The following GLT1D1 variants were observed in gnomAD, a reference collection of about 807,000 sequenced individuals.
GLT1D1 encodes the protein glycosyltransferase 1 domain-containing protein 1.
A neutral mutation model predicts 28.7 loss-of-function variants in GLT1D1; 21 were observed. The ratio of observed to expected loss-of-function variants is 0.73; its 90% CI spans 0.52 to 1.05. The LOEUF is 1.05. GLT1D1 is among the 50% of genes least tolerant of loss of function. The probability of loss-of-function intolerance (pLI) is 0.00; values close to 1 mark genes in which losing one functional copy is unlikely to be tolerated. For synonymous variants in GLT1D1, 147 were observed against 124.8 expected (o/e 1.18, Z -1.19); for missense variants, 343 against 330.6 (o/e 1.04, Z -0.29).
At chr12:128,875,835 A>C in intron 1 of GLT1D1, 79 bp from the exon 2 acceptor site, 5 of 1,262,202 alleles carry the variant, frequency 4.0e-6, no homozygotes, top group Non-Finnish European at 5.5e-6. Flanking sequence ...AAAAAAAAAA[A>C]GTCTTAACTG....
intron 1 of GLT1D1, among the ~76,000 whole-genome samples, chr12:128,857,415 T>G (rs946330144): frequency 1.3e-5 from 2 of 152,210 alleles, no homozygotes; most frequent in African/African-American, 4.8e-5. Flanking sequence ...GGCTTTGATG[T>G]TTATTCAGAC....
intron 4 of GLT1D1, among the ~76,000 whole-genome samples, chr12:128,910,499 A>C (rs1459730734): frequency 6.6e-6 from 1 of 152,098 alleles, no homozygotes; most frequent in Admixed American, 6.6e-5. Flanking sequence ...GTGCTTTACC[A>C]TCCATCTTCA....
At chr12:128,873,245 T>A (rs966751468) in intron 1 of GLT1D1, among the ~76,000 whole-genome samples, 5 of 152,162 alleles carry the variant, frequency 3.3e-5, no homozygotes, top group Admixed American at 2.6e-4. Context: ...TAATGTATCC[T>A]TCTAGAGATA....
At chr12:128,880,683 T>C (rs980809693) in intron 2 of GLT1D1, among the ~76,000 whole-genome samples, 2 of 152,196 alleles carry the variant, frequency 1.3e-5, no homozygotes, top group Non-Finnish European at 2.9e-5. Flanking sequence ...ACACATTTCT[T>C]AGACAGCCTT....
chr12:128,889,052 G>A (rs1868722928), intron 3 of GLT1D1, among the ~76,000 whole-genome samples: 1 of 152,142 alleles, frequency 6.6e-6, no homozygotes, highest in South Asian at 2.1e-4. Context: ...GCTGAGGCAG[G>A]AGGATTGCTG....
At chr12:128,858,508 C>T (rs954953768) in intron 1 of GLT1D1, among the ~76,000 whole-genome samples, 3 of 152,094 alleles carry the variant, frequency 2.0e-5, no homozygotes, top group Non-Finnish European at 4.4e-5. Flanking sequence ...CCCGTCTCTA[C>T]TAAAAATACC....
At chr12:128,926,192 TCAATAATAATAA>T (rs1288518988) in intron 4 of GLT1D1, among the ~76,000 whole-genome samples, 155 bp from the exon 7 acceptor site, 2 of 90,042 alleles carry the variant, frequency 2.2e-5, no homozygotes, top group Non-Finnish European at 4.4e-5. Context: ...AGACTCTGTC[TCAATAATAATAA>T]TAATAATAAT....
intron 4 of GLT1D1, chr12:128,906,904 T>C (rs888437684): frequency 1.1e-5 from 8 of 702,362 alleles, no homozygotes; most frequent in Admixed American, 4.0e-5. Context: ...AATTAAAATA[T>C]AGAAAGCAAG....
intron 4 of GLT1D1, among the ~76,000 whole-genome samples, chr12:128,941,421 C>T (rs1217203676): frequency 6.6e-6 from 1 of 152,146 alleles, no homozygotes; most frequent in African/African-American, 2.4e-5. Context: ...GTCAAATTGT[C>T]CCATTTCTGG....
At chr12:128,894,138 C>T (rs991130813) in intron 3 of GLT1D1, among the ~76,000 whole-genome samples, 6 of 152,268 alleles carry the variant, frequency 3.9e-5, no homozygotes, top group African/African-American at 4.8e-5. Flanking sequence ...AGCCTCCTTC[C>T]GCGTCAGCAC....
chr12:128,888,645 GA>G lies in GLT1D1; in HGVS notation c.226del (p.Ile76SerfsTer12). 6.2e-7 allele frequency: 1 copy of G among 1,609,604 alleles called. No individual in the cohort carries two copies. The highest frequency in any genetic ancestry group is 1.1e-5 in the South Asian group (1 of 90,480). On this transcript the variant is annotated frameshift_variant, in exon 3 of 8. Coordinates refer to ENST00000281703, the MANE Select transcript of GLT1D1 (RefSeq NM_144669.3). LOFTEE classifies it high-confidence loss of function. Reference sequence around the variant, plus strand: ...GACTGTCATCGTTTTGCAGGCCACCGAATCCCTTTTGGAGTCATCTTTGGTG... The same window carrying G: ...GACTGTCATCGTTTTGCAGGCCACCGATCCCTTTTGGAGTCATCTTTGGTG...
chr12:128,879,408 TTCTTTCTTTC>T (rs1363115358), intron 2 of GLT1D1, among the ~76,000 whole-genome samples: 2 of 96,142 alleles, frequency 2.1e-5, no homozygotes, highest in African/African-American at 4.5e-5. Flanking sequence ...CTTTCTTTCT[TTCTTTCTTTC>T]TTTCTTTCTT....
In GLT1D1 at chr12:128,915,007, C is replaced by T. The variant is rs2135891665; in HGVS notation, c.375+15720C>T. 1 of 1,528,112 alleles carries T rather than the reference C, an allele frequency of 6.5e-7. No individual in the cohort carries two copies. Among genetic ancestry groups the T allele is most frequent in the Non-Finnish European group, 8.8e-7 (1 of 1,140,210 alleles). 94.7% of individuals were successfully genotyped at this position (1,528,112 alleles called of 1,614,324 possible). A position where few individuals can be genotyped will look rare whatever the true frequency, so the allele number is the denominator to read the frequency against. ...ACGCTCTGGTGAGACATGAGATCTT[C>T]TTAGAGGATTTTGATGAAGTGCATC... On this transcript the variant is annotated intron_variant, in intron 4 of 7. Transcript: ENST00000281703.
chr12:128,886,225 C>G (rs1174127238), intron 2 of GLT1D1, among the ~76,000 whole-genome samples: 1 of 152,186 alleles, frequency 6.6e-6, no homozygotes, highest in East Asian at 1.9e-4. Context: ...TATCCAATTG[C>G]CATGCCAGTT....
chr12:128,953,770 G>A (rs999341594), intron 6 of GLT1D1, among the ~76,000 whole-genome samples: 9 of 150,896 alleles, frequency 6.0e-5, no homozygotes, highest in African/African-American at 9.8e-5. Flanking sequence ...CTCCGAAACA[G>A]AGTCTCACTC....
chr12:128,867,254 G>A (rs1041139664), intron 1 of GLT1D1, among the ~76,000 whole-genome samples: 10 of 151,634 alleles, frequency 6.6e-5, no homozygotes, highest in East Asian at 2.0e-4. Flanking sequence ...TTAGCCGGGC[G>A]TGGTGGCGAA....
intron 4 of GLT1D1, among the ~76,000 whole-genome samples, chr12:128,943,131 G>A (rs1393845814): frequency 6.6e-6 from 1 of 152,160 alleles, no homozygotes; most frequent in East Asian, 1.9e-4. Context: ...ATGCTAACAG[G>A]TATCGATTTC....
intron 2 of GLT1D1, 116 bp from the exon 3 acceptor site, chr12:128,888,523 C>G (rs775496353): frequency 1.2e-5 from 8 of 667,056 alleles, no homozygotes; most frequent in Non-Finnish European, 2.1e-5. Context: ...AAATGTACAG[C>G]AACAAACAGC....
At chr12:128,971,197 C>T (rs779423647) in intron 7 of GLT1D1, among the ~76,000 whole-genome samples, 3 of 152,166 alleles carry the variant, frequency 2.0e-5, no homozygotes, top group Non-Finnish European at 2.9e-5. Context: ...CTGAGTGCCA[C>T]GCGGCAAAAC....
Sources: allele counts gnomAD v4.1 joint callset (sites outside exome capture counted in the v4.1 genomes callset), GRCh38; gene constraint gnomAD v4.1.1; transcripts MANE v1.5; gene names NCBI Gene and HGNC (gene_info 2026-07-23, HGNC 2026-07-21).